The following WDR49 variants were observed in gnomAD, a reference collection of about 807,000 sequenced individuals.
WDR49 encodes WD repeat domain 49, also known as cilia- and flagella-associated protein 337.
Under a neutral mutation model 119.5 loss-of-function variants are expected in WDR49, and 107 were observed. That is an observed-to-expected ratio of 0.90 (90% CI 0.77 to 1.05). The LOEUF is 1.05. Ranked by LOEUF, WDR49 falls within the 50% of genes least tolerant of loss-of-function variation. The pLI is 0.00. For missense variants in WDR49, 1,240 were observed against 1,220.5 expected (o/e 1.02, Z -0.24); for synonymous variants, 425 against 418.8 (o/e 1.01, Z -0.18).
chr3:167,582,158 AG>A (rs760943325), intron 7 of WDR49, among the ~76,000 whole-genome samples: 9 of 152,006 alleles, frequency 5.9e-5, no homozygotes, highest in Non-Finnish European at 1.2e-4. Flanking sequence ...TGCAGATAAT[AG>A]GATAACAGGA....
chr3:167,575,770 G>T, intron 8 of WDR49, 148 bp downstream of exon 8: 1 of 754,146 alleles, frequency 1.3e-6, no homozygotes, highest in Non-Finnish European at 2.1e-6. Context: ...GTATATTATT[G>T]CAGAAAAGCA....
chr3:167,518,591 T>C (rs886936679), intron 16 of WDR49, among the ~76,000 whole-genome samples: 43 of 151,818 alleles, frequency 2.8e-4, no homozygotes, highest in Non-Finnish European at 5.0e-4. Context: ...GTTTGTTTTT[T>C]TCTTGTAAAT....
chr3:167,586,084 G>A (rs534406561), intron 7 of WDR49, among the ~76,000 whole-genome samples: 2 of 152,250 alleles, frequency 1.3e-5, no homozygotes, highest in Admixed American at 1.3e-4. Context: ...CCAACCATAG[G>A]TCTACAATAT....
chr3:167,657,007 A>G (rs1222508397), upstream of WDR49, among the ~76,000 whole-genome samples: 1 of 152,160 alleles, frequency 6.6e-6, no homozygotes, highest in Non-Finnish European at 1.5e-5. Flanking sequence ...TTGGGACTGA[A>G]TAATTCTCCC....
intron 2 of WDR49, among the ~76,000 whole-genome samples, chr3:167,640,638 C>T (rs999525062): frequency 7.2e-5 from 11 of 151,792 alleles, no homozygotes; most frequent in African/African-American, 2.7e-4. Context: ...CCTTGAGATT[C>T]CCGTTTAGTT....
intron 16 of WDR49, among the ~76,000 whole-genome samples, chr3:167,507,742 G>C (rs1385856899): frequency 6.6e-6 from 1 of 152,114 alleles, no homozygotes; most frequent in African/African-American, 2.4e-5. Flanking sequence ...TTCCACTAAA[G>C]AGTTTTATCC....
intron 16 of WDR49, among the ~76,000 whole-genome samples, chr3:167,510,060 T>C (rs1024712040): frequency 2.0e-5 from 3 of 152,230 alleles, no homozygotes; most frequent in Admixed American, 2.0e-4. Flanking sequence ...CTTTTGCTTA[T>C]TTGTACTTCC....
At chr3:167,569,412 C>T (rs568108989) in intron 8 of WDR49, among the ~76,000 whole-genome samples, 16 of 152,098 alleles carry the variant, frequency 1.1e-4, no homozygotes, top group African/African-American at 2.2e-4. Flanking sequence ...CTAGTACATA[C>T]GTATCTTTTA....
At chr3:167,644,092 T>G (rs927266764) in intron 2 of WDR49, among the ~76,000 whole-genome samples, 10 of 149,088 alleles carry the variant, frequency 6.7e-5, no homozygotes, top group Non-Finnish European at 1.3e-4. Flanking sequence ...CTTCATCACC[T>G]GTAAAATAAA....
At chr3:167,609,522 C>T (rs1716240819) in intron 5 of WDR49, among the ~76,000 whole-genome samples, 1 of 152,182 alleles carries the variant, frequency 6.6e-6, no homozygotes, top group Admixed American at 6.5e-5. Context: ...TCGCCCAGCC[C>T]AGAGGTCTGA....
intron 5 of WDR49, among the ~76,000 whole-genome samples, chr3:167,605,310 C>T (rs1269236145): frequency 6.6e-6 from 1 of 151,966 alleles, no homozygotes; most frequent in Non-Finnish European, 1.5e-5. Flanking sequence ...TTAGAAAATT[C>T]CATAGCTATC....
intron 3 of WDR49, among the ~76,000 whole-genome samples, chr3:167,624,062 T>C (rs976119907): frequency 2.6e-5 from 4 of 151,664 alleles, no homozygotes; most frequent in African/African-American, 9.7e-5. Context: ...TAATAAAAAA[T>C]GGGAAAAGAT....
chr3:167,516,124 T>C (rs958943165), intron 16 of WDR49, among the ~76,000 whole-genome samples: 1 of 152,244 alleles, frequency 6.6e-6, no homozygotes, highest in East Asian at 1.9e-4. Context: ...TTATTATACT[T>C]TAAGTTTTAG....
Position 167,573,111 on chromosome 3 carries a change from C to G in WDR49, c.1509+2807G>C, listed in dbSNP as rs542899967. 6.8e-4 allele frequency among the ~76,000 whole-genome samples: 104 copies of G among 152,262 alleles called. 1 individual carries two copies. Among genetic ancestry groups the G allele is most frequent in the Non-Finnish European group, 1.2e-3 (80 of 68,006 alleles). On this transcript the variant is annotated intron_variant, in intron 8 of 18. Transcript: ENST00000682715. ...TTTGGTATGGGGGACTTTAAAGACC[C>G]TTACAGGGCTGGCAGCATGGGAGAC...
intron 2 of WDR49, chr3:167,633,619 G>A (rs2108333020): frequency 2.6e-6 from 1 of 388,438 alleles, no homozygotes; most frequent in South Asian, 1.9e-5. Flanking sequence ...GCATCATTTA[G>A]TTGCTACAAA....
chr3:167,546,049 G>A (rs564061168), intron 10 of WDR49, among the ~76,000 whole-genome samples: 6 of 151,800 alleles, frequency 4.0e-5, no homozygotes, highest in African/African-American at 1.4e-4. Context: ...GGTAAGTTTG[G>A]TTGAAAGATT....
chr3:167,527,760 G>T, intron 15 of WDR49, 60 bp downstream of exon 15: 1 of 1,495,322 alleles, frequency 6.7e-7, no homozygotes, highest in Non-Finnish European at 9.1e-7. Context: ...ATAGAAATCA[G>T]CCCAAGTTAA....
At chr3:167,649,264 C>T (rs549421075) in intron 2 of WDR49, among the ~76,000 whole-genome samples, 1 of 151,932 alleles carries the variant, frequency 6.6e-6, no homozygotes, top group African/African-American at 2.4e-5. Context: ...AAGGATGGGT[C>T]CTCCATAAAT....
upstream of WDR49, among the ~76,000 whole-genome samples, chr3:167,657,568 A>C (rs1179020201): frequency 7.3e-6 from 1 of 137,722 alleles, no homozygotes. Context: ...CAACATATAG[A>C]TCTCCCTTTT....
Sources: allele counts gnomAD v4.1 joint callset (sites outside exome capture counted in the v4.1 genomes callset), GRCh38; gene constraint gnomAD v4.1.1; transcripts MANE v1.5; gene names NCBI Gene and HGNC (gene_info 2026-07-23, HGNC 2026-07-21).